PPIL4: variants seen among roughly 807,000 people sequenced by gnomAD.
The protein encoded by PPIL4 is peptidyl-prolyl cis-trans isomerase-like 4.
PPIL4 carries 50 observed loss-of-function variants against 69.1 expected under a neutral mutation model. That is an observed-to-expected ratio of 0.72 (90% CI 0.58 to 0.92). PPIL4 has a LOEUF of 0.92. PPIL4 is among the 40% of genes least tolerant of loss of function. The probability of loss-of-function intolerance (pLI) is 0.00; values close to 1 mark genes in which losing one functional copy is unlikely to be tolerated. For missense variants in PPIL4, 480 were observed against 587.9 expected (o/e 0.82, Z 1.90); for synonymous variants, 193 against 191.6 (o/e 1.01, Z -0.06).
intron 12 of PPIL4, among the ~76,000 whole-genome samples, chr6:149,509,915 C>G (rs894406400): frequency 3.3e-5 from 5 of 152,118 alleles, no homozygotes; most frequent in African/African-American, 9.7e-5. Flanking sequence ...TTAACTACTA[C>G]TACTTTTTTC....
chr6:149,537,250 G>A (rs1473424736), intron 4 of PPIL4, among the ~76,000 whole-genome samples: 1 of 152,182 alleles, frequency 6.6e-6, no homozygotes, highest in South Asian at 2.1e-4. Context: ...CCTTATATTG[G>A]AAGATGCCAC....
chr6:149,505,449 T>G lies in PPIL4; in HGVS notation c.*4A>C, dbSNP rs776224862. 1.2e-6 allele frequency: 2 copies of G among 1,608,612 alleles called. No homozygotes were observed. The highest frequency in any genetic ancestry group is 2.2e-5 in the South Asian group (2 of 89,416). On this transcript the variant is annotated 3_prime_UTR_variant, in exon 13 of 13. Coordinates refer to ENST00000253329, the MANE Select transcript of PPIL4 (RefSeq NM_139126.4). The stretch of plus-strand genomic sequence containing the variant: ...TTAGCCTCTCAATTCTGCCTCTTCA[T>G]CTTTCATCTATACTTAGATTTTTCT...
At chr6:149,531,014 G>A (rs1003016086) in intron 7 of PPIL4, among the ~76,000 whole-genome samples, 3 of 152,148 alleles carry the variant, frequency 2.0e-5, no homozygotes, top group East Asian at 1.9e-4. Flanking sequence ...TATTTCGGCT[G>A]TGGGTGCATA....
intron 12 of PPIL4, among the ~76,000 whole-genome samples, chr6:149,508,530 G>C (rs1776797944): frequency 6.6e-6 from 1 of 152,092 alleles, no homozygotes; most frequent in Non-Finnish European, 1.5e-5. Flanking sequence ...CTAATTAAAA[G>C]CTATCCTTGC....
At chr6:149,531,345 C>T (rs1171781989) in intron 7 of PPIL4, among the ~76,000 whole-genome samples, 2 of 132,098 alleles carry the variant, frequency 1.5e-5, no homozygotes, top group East Asian at 4.4e-4. Flanking sequence ...AGCCTGATAA[C>T]AGAGCGAGAT....
At chr6:149,509,372 T>C (rs1776809170) in intron 12 of PPIL4, among the ~76,000 whole-genome samples, 1 of 152,184 alleles carries the variant, frequency 6.6e-6, no homozygotes, top group South Asian at 2.1e-4. Context: ...TTTAGACCTC[T>C]GATTATCTCA....
intron 7 of PPIL4, among the ~76,000 whole-genome samples, chr6:149,528,707 T>C (rs570616091): frequency 6.8e-4 from 103 of 152,328 alleles, no homozygotes; most frequent in African/African-American, 1.9e-3. Flanking sequence ...GAAGACAGTT[T>C]GGCAGTTTCT....
chr6:149,515,137 CA>C (rs1465515260), intron 11 of PPIL4, among the ~76,000 whole-genome samples: 1 of 150,160 alleles, frequency 6.7e-6, no homozygotes, highest in Non-Finnish European at 1.5e-5. Flanking sequence ...TGCACCCAGC[CA>C]ATTTTTTTTT....
At chr6:149,545,878 A>T (rs1213276914) in intron 1 of PPIL4, 58 bp downstream of exon 1, 1 of 1,477,548 alleles carries the variant, frequency 6.8e-7, no homozygotes, top group African/African-American at 1.4e-5. Context: ...CAGAGAAGGG[A>T]AAGTAGGGAG....
intron 7 of PPIL4, among the ~76,000 whole-genome samples, chr6:149,531,839 T>C (rs1408406772): frequency 6.6e-6 from 1 of 152,070 alleles, no homozygotes. Context: ...CCAGCTAATT[T>C]TTGTATTTTT....
chr6:149,528,474 A>C (rs1777142468), intron 7 of PPIL4, among the ~76,000 whole-genome samples: 1 of 152,234 alleles, frequency 6.6e-6, no homozygotes, highest in African/African-American at 2.4e-5. Flanking sequence ...ACAAAACACT[A>C]GCTGAATTAT....
chr6:149,505,580 C>G lies in PPIL4; in HGVS notation c.1352G>C (p.Gly451Ala). The G allele has an allele frequency of 6.2e-7, 1 of 1,614,056 alleles. No individual in the cohort carries two copies. The highest frequency in any genetic ancestry group is 8.5e-7 in the Non-Finnish European group (1 of 1,180,006). Residue 451 changes from glycine (G) to alanine (A), a missense_variant, in exon 13 of 13, where the codon GGC becomes GCC. Coordinates refer to ENST00000253329, the MANE Select transcript of PPIL4 (RefSeq NM_139126.4). Reference sequence around the variant, plus strand: ...TGATTTATGACTATTACTATAATGGCCATCCCTCTCTCGAGATCGGCTACG... The same window carrying G: ...TGATTTATGACTATTACTATAATGGGCATCCCTCTCTCGAGATCGGCTACG... ...RSRSRSRERDGHYSNSHKSKY... is the reference protein window; with the variant it reads ...RSRSRSRERDAHYSNSHKSKY...
chr6:149,527,106 C>T lies in PPIL4; in HGVS notation c.679-330G>A, dbSNP rs1583208735. 3.3e-5 allele frequency among the ~76,000 whole-genome samples: 5 copies of T among 152,200 alleles called. No individual in the cohort carries two copies. The South Asian group carries it at 1.0e-3, about 32-fold the overall frequency. On this transcript the variant is annotated intron_variant, in intron 7 of 12. Coordinates refer to ENST00000253329, the MANE Select transcript of PPIL4 (RefSeq NM_139126.4). ...GAGCATGGTAGCTCATGCCTGTAAT[C>T]CCAGCACTTTGGGAGGCCAAGGGGG...
chr6:149,519,369 C>A (rs1234545856), intron 10 of PPIL4, among the ~76,000 whole-genome samples: 1 of 152,076 alleles, frequency 6.6e-6, no homozygotes, highest in East Asian at 1.9e-4. Context: ...ACATAAGAGC[C>A]ACCTGGCATT....
chr6:149,527,853 A>G (rs976883155), intron 7 of PPIL4, among the ~76,000 whole-genome samples: 5 of 152,234 alleles, frequency 3.3e-5, no homozygotes, highest in African/African-American at 9.7e-5. Flanking sequence ...TTGGATAAAC[A>G]TGCCCTTCCC....
chr6:149,538,122 CG>C (rs1777306723), intron 4 of PPIL4, among the ~76,000 whole-genome samples: 1 of 151,968 alleles, frequency 6.6e-6, no homozygotes, highest in Admixed American at 6.6e-5. Context: ...AAAAATCAGC[CG>C]GGCGTAGTGG....
intron 7 of PPIL4, among the ~76,000 whole-genome samples, chr6:149,532,487 T>A (rs777657470): frequency 5.3e-5 from 8 of 152,218 alleles, no homozygotes; most frequent in Non-Finnish European, 1.0e-4. Flanking sequence ...GAGTCAATAC[T>A]CTGAGATACA....
intron 4 of PPIL4, among the ~76,000 whole-genome samples, chr6:149,538,126 C>T (rs1019220195): frequency 3.3e-5 from 5 of 151,962 alleles, no homozygotes; most frequent in Admixed American, 6.6e-5. Flanking sequence ...ATCAGCCGGG[C>T]GTAGTGGTGC....
At chr6:149,533,621 A>T in intron 6 of PPIL4, 47 bp from the exon 7 acceptor site, 1 of 1,080,988 alleles carries the variant, frequency 9.3e-7, no homozygotes, top group Non-Finnish European at 1.4e-6. Context: ...GAATAAAAAA[A>T]TCTGAGAAAC....
Sources: gnomAD v4.1 joint callset for allele counts (sites outside exome capture counted in the v4.1 genomes callset) on GRCh38, gnomAD v4.1.1 for gene constraint, MANE v1.5 for transcripts, NCBI Gene and HGNC (gene_info 2026-07-23, HGNC 2026-07-21) for gene names.